The following SMG6 variants were observed in gnomAD, a reference collection of about 807,000 sequenced individuals.
SMG6 encodes SMG6 nonsense mediated mRNA decay factor.
Under a neutral mutation model 142.2 loss-of-function variants are expected in SMG6, and 66 were observed. The ratio of observed to expected loss-of-function variants is 0.46; its 90% CI spans 0.38 to 0.57. The LOEUF (loss-of-function observed/expected upper bound fraction) is 0.57, where lower values mean the gene tolerates loss of function less well. SMG6 is among the 20% of genes least tolerant of loss of function. SMG6 has a pLI of 0.00. For missense variants in SMG6, 1,793 were observed against 1,832.0 expected, an observed-to-expected ratio of 0.98 and a Z score of 0.39; for synonymous variants, 779 against 702.4, an observed-to-expected ratio of 1.11 and a Z score of -1.72.
At chr17:2,228,949 T>C (rs943219663) in intron 10 of SMG6, among the ~76,000 whole-genome samples, 3 of 152,064 alleles carry the variant, frequency 2.0e-5, no homozygotes, top group African/African-American at 7.2e-5. Context: ...CATATCTACC[T>C]TCCCCCCAGG....
chr17:2,076,870 T>C (rs961103964), intron 15 of SMG6, among the ~76,000 whole-genome samples: 3 of 152,178 alleles, frequency 2.0e-5, no homozygotes, highest in Non-Finnish European at 4.4e-5. Context: ...AGGCCTTCCA[T>C]GCTTGGGCCT....
intron 13 of SMG6, among the ~76,000 whole-genome samples, chr17:2,114,980 A>AAAAAAATGAAATGAAATG (rs2069461459): frequency 2.2e-5 from 3 of 133,376 alleles, no homozygotes; most frequent in Non-Finnish European, 3.2e-5. Flanking sequence ...GAAATAAAAT[A>AAAAAAATGAAATGAAATG]AAATAAAATA....
At chr17:2,155,873 C>A (rs866922806) in intron 13 of SMG6, among the ~76,000 whole-genome samples, 4 of 152,144 alleles carry the variant, frequency 2.6e-5, no homozygotes, top group Non-Finnish European at 4.4e-5. Context: ...TTAATCCACA[C>A]GCTCCTGATC....
At chr17:2,236,417 A>C (rs2073654532) in intron 10 of SMG6, 75 bp downstream of exon 10, 1 of 1,481,374 alleles carries the variant, frequency 6.8e-7, no homozygotes, top group Non-Finnish European at 9.2e-7. Flanking sequence ...TATGGTAGGT[A>C]TGGTAACACA....
intron 13 of SMG6, among the ~76,000 whole-genome samples, chr17:2,152,455 C>G (rs1018887506): frequency 3.3e-5 from 5 of 152,092 alleles, no homozygotes; most frequent in Non-Finnish European, 1.5e-5. Flanking sequence ...TGCATTTGTA[C>G]CTGACAAAGG....
At chr17:2,185,515 A>T (rs1195167582) in intron 12 of SMG6, among the ~76,000 whole-genome samples, 1 of 151,656 alleles carries the variant, frequency 6.6e-6, no homozygotes, top group East Asian at 1.9e-4. Flanking sequence ...GAAAAAGAAA[A>T]AGGTATACAA....
chr17:2,153,148 A>C (rs745409297), intron 13 of SMG6, among the ~76,000 whole-genome samples: 2 of 152,252 alleles, frequency 1.3e-5, no homozygotes, highest in Non-Finnish European at 2.9e-5. Flanking sequence ...CTTTCTTAAA[A>C]TACTATGAGA....
intron 13 of SMG6, among the ~76,000 whole-genome samples, chr17:2,168,537 T>C (rs902322535): frequency 5.3e-5 from 8 of 152,150 alleles, no homozygotes; most frequent in African/African-American, 1.9e-4. Context: ...ACTCCTAGGT[T>C]GGCCATGGAA....
intron 10 of SMG6, among the ~76,000 whole-genome samples, chr17:2,230,100 C>T (rs1317377697): frequency 2.9e-5 from 4 of 139,414 alleles, no homozygotes; most frequent in Admixed American, 7.7e-5. Flanking sequence ...GCATGGGAAT[C>T]GCTTGAACCC....
At chr17:2,107,964 T>C (rs907345814) in intron 13 of SMG6, among the ~76,000 whole-genome samples, 1 of 152,304 alleles carries the variant, frequency 6.6e-6, no homozygotes, top group African/African-American at 2.4e-5. Flanking sequence ...TCTGGGAGAA[T>C]CTTGGAATAG....
rs557510189 is a variant in SMG6 at position 2,123,116 on chromosome 17, G to A, written c.3358-37215C>T. Among the ~76,000 whole-genome samples the A allele has an allele frequency of 4.2e-3, 311 of 74,434 alleles. 1 individual carries two copies. The highest frequency in any genetic ancestry group is 5.8e-3 in the Non-Finnish European group (209 of 35,738). The allele number at this position is 74,434 out of a possible 152,430, so 48.8% of individuals were successfully genotyped here. ...TGGCTGCTCCACCGCAGCCCTGAAG[G>A]TATGAGGAAACCCTGGCGTGTTGGC... On this transcript the variant is annotated intron_variant, in intron 13 of 18. Coordinates refer to ENST00000263073, the MANE Select transcript of SMG6 (RefSeq NM_017575.5).
chr17:2,258,618 CA>C (rs2074246098), intron 8 of SMG6, among the ~76,000 whole-genome samples: 1 of 52,400 alleles, frequency 1.9e-5, no homozygotes, highest in Non-Finnish European at 3.5e-5. Context: ...GCCTGGGCAA[CA>C]TAGAGAGACC....
chr17:2,148,949 G>A (rs2070747280), intron 13 of SMG6, among the ~76,000 whole-genome samples: 1 of 152,074 alleles, frequency 6.6e-6, no homozygotes, highest in South Asian at 2.1e-4. Flanking sequence ...TATTTCATGG[G>A]TACAGTGTTT....
chr17:2,083,860 T>C (rs2068486937), intron 14 of SMG6, among the ~76,000 whole-genome samples: 1 of 152,130 alleles, frequency 6.6e-6, no homozygotes, highest in Admixed American at 6.5e-5. Context: ...TGCAAGGTTA[T>C]GAAATTACAC....
intron 10 of SMG6, among the ~76,000 whole-genome samples, chr17:2,195,761 G>A (rs772584005): frequency 6.6e-6 from 1 of 152,130 alleles, no homozygotes; most frequent in Non-Finnish European, 1.5e-5. Flanking sequence ...TTTGACATTT[G>A]AGGAAACAGG....
At chr17:2,136,047 T>C (rs2070292240) in intron 13 of SMG6, among the ~76,000 whole-genome samples, 1 of 149,598 alleles carries the variant, frequency 6.7e-6, no homozygotes, top group African/African-American at 2.5e-5. Flanking sequence ...TCTGTGTGTG[T>C]ATATATACAG....
At chr17:2,244,634 A>C (rs757476578) in intron 9 of SMG6, 24 bp downstream of exon 9, 3 of 1,588,700 alleles carry the variant, frequency 1.9e-6, no homozygotes, top group Non-Finnish European at 1.7e-6. Flanking sequence ...GTAGGAAAAT[A>C]AAATAAACAT....
At chr17:2,115,966 CA>C (rs2069492763) in intron 13 of SMG6, among the ~76,000 whole-genome samples, 1 of 152,126 alleles carries the variant, frequency 6.6e-6, no homozygotes, top group Admixed American at 6.5e-5. Flanking sequence ...CCTGGCCCCC[CA>C]AAGTGCAAGA....
At chr17:2,252,736 C>T (rs1158291305) in intron 8 of SMG6, among the ~76,000 whole-genome samples, 4 of 152,018 alleles carry the variant, frequency 2.6e-5, no homozygotes, top group South Asian at 2.1e-4. Context: ...TCCTCAAGGA[C>T]GAGAGAGGGG....
Sources: allele counts gnomAD v4.1 joint callset (sites outside exome capture counted in the v4.1 genomes callset), GRCh38; gene constraint gnomAD v4.1.1; transcripts MANE v1.5; gene names NCBI Gene and HGNC (gene_info 2026-07-23, HGNC 2026-07-21).